The following ARB2A variants were observed in gnomAD, a reference collection of about 807,000 sequenced individuals.
ARB2A encodes the protein ARB2 cotranscriptional regulator A, also known as cotranscriptional regulator ARB2A.
At chr5:94,027,176 G>A in the ARB2A span, among the ~76,000 whole-genome samples, 3 of 152,168 alleles carry the variant, frequency 2.0e-5, no homozygotes, top group African/African-American at 7.2e-5. Flanking sequence ...GGTAGAGGTC[G>A]AAGTTGAAGA....
At chr5:93,661,057 C>T in the ARB2A span, among the ~76,000 whole-genome samples, 1 of 152,106 alleles carries the variant, frequency 6.6e-6, no homozygotes, top group Non-Finnish European at 1.5e-5. Flanking sequence ...TGTTTGGACA[C>T]TGATGATGAG....
At chr5:93,840,287 A>G in the ARB2A span, among the ~76,000 whole-genome samples, 2 of 152,196 alleles carry the variant, frequency 1.3e-5, no homozygotes, top group African/African-American at 2.4e-5. Flanking sequence ...TTACTGGTCA[A>G]TATGGCTACA....
chr5:94,053,004 CT>C, the ARB2A span: 1 of 441,330 alleles, frequency 2.3e-6, no homozygotes, highest in East Asian at 3.7e-5. Context: ...TCTACTTGGC[CT>C]TTAAAAGTAG....
the ARB2A span, chr5:93,740,770 C>T: frequency 6.2e-7 from 1 of 1,612,246 alleles, no homozygotes; most frequent in South Asian, 1.1e-5. Flanking sequence ...TGGTCGACTG[C>T]CCATCTTGCT....
chr5:93,733,204 C>CTTTTTTTTTTTTTTTTTTTTT, the ARB2A span: 1 of 138,870 alleles, frequency 7.2e-6, no homozygotes, highest in African/African-American at 2.6e-5. Flanking sequence ...CTTTTCTTTC[C>CTTTTTTTTTTTTTTTTTTTTT]TTTTTTTTTT....
At chr5:93,898,701 C>G in the ARB2A span, among the ~76,000 whole-genome samples, 1 of 151,918 alleles carries the variant, frequency 6.6e-6, no homozygotes, top group African/African-American at 2.4e-5. Context: ...CATACATACA[C>G]AAAAAATGAT....
chr5:93,959,957 G>A, the ARB2A span, among the ~76,000 whole-genome samples: 19 of 151,820 alleles, frequency 1.3e-4, no homozygotes, highest in Admixed American at 4.6e-4. Context: ...TTGACATTCT[G>A]GTGGCTGGTA....
the ARB2A span, among the ~76,000 whole-genome samples, chr5:94,008,810 T>C: frequency 6.6e-6 from 1 of 152,176 alleles, no homozygotes; most frequent in Non-Finnish European, 1.5e-5. Context: ...AATTATCTTC[T>C]GGTATATGAT....
At chr5:94,063,383 C>A in the ARB2A span, among the ~76,000 whole-genome samples, 1 of 152,128 alleles carries the variant, frequency 6.6e-6, no homozygotes, top group Non-Finnish European at 1.5e-5. Flanking sequence ...CCTAGCCTGT[C>A]GTACCTACCA....
chr5:93,646,804 C>T, the ARB2A span, among the ~76,000 whole-genome samples: 2,202 of 151,548 alleles, frequency 0.015, 57 homozygotes, highest in African/African-American at 0.051. Context: ...GAAAACAAAC[C>T]CAGAAGTATT....
At chr5:93,857,039 G>T in the ARB2A span, among the ~76,000 whole-genome samples, 3 of 152,202 alleles carry the variant, frequency 2.0e-5, no homozygotes, top group Admixed American at 2.0e-4. Flanking sequence ...GAGTTTGCTA[G>T]AGGTCCACTC....
the ARB2A span, among the ~76,000 whole-genome samples, chr5:94,053,382 T>C: frequency 1.3e-5 from 2 of 152,206 alleles, no homozygotes; most frequent in Admixed American, 1.3e-4. Flanking sequence ...CAAAATACTA[T>C]ATTATGATCA....
chr5:93,667,432 G>T, the ARB2A span, among the ~76,000 whole-genome samples: 11 of 152,248 alleles, frequency 7.2e-5, no homozygotes, highest in African/African-American at 2.6e-4. Flanking sequence ...ATTCTTGATA[G>T]ATGCCCACTG....
the ARB2A span, among the ~76,000 whole-genome samples, chr5:93,753,383 A>C: frequency 6.6e-6 from 1 of 152,366 alleles, no homozygotes; most frequent in East Asian, 1.9e-4. Context: ...CAGTCAGTGT[A>C]AACAGTCAAC....
chr5:93,657,015 G>A, the ARB2A span, among the ~76,000 whole-genome samples: 1 of 152,112 alleles, frequency 6.6e-6, no homozygotes, highest in Non-Finnish European at 1.5e-5. Flanking sequence ...TATGGAAGAT[G>A]AGCCTCTGTA....
At chr5:93,847,696 G>A in the ARB2A span, among the ~76,000 whole-genome samples, 5 of 152,028 alleles carry the variant, frequency 3.3e-5, no homozygotes, top group South Asian at 2.1e-4. Flanking sequence ...CAGGTATTAC[G>A]TACATATATT....
At chr5:94,103,998 G>C in the ARB2A span, among the ~76,000 whole-genome samples, 20 of 151,302 alleles carry the variant, frequency 1.3e-4, no homozygotes, top group Non-Finnish European at 1.5e-4. Context: ...CTCTGAGACA[G>C]AGCTAAAGCA....
chr5:93,982,711 C>G, the ARB2A span, among the ~76,000 whole-genome samples: 1 of 152,128 alleles, frequency 6.6e-6, no homozygotes, highest in Non-Finnish European at 1.5e-5. Flanking sequence ...TGATACCGTA[C>G]TAAATACTGT....
At chr5:93,865,143 G>A in the ARB2A span, among the ~76,000 whole-genome samples, 1 of 151,940 alleles carries the variant, frequency 6.6e-6, no homozygotes, top group East Asian at 1.9e-4. Context: ...GTGCAGTGGC[G>A]CGATCTCGGC....
Sources: gnomAD v4.1 joint callset for allele counts (sites outside exome capture counted in the v4.1 genomes callset) on GRCh38, gnomAD v4.1.1 for gene constraint, MANE v1.5 for transcripts, NCBI Gene and HGNC (gene_info 2026-07-23, HGNC 2026-07-21) for gene names.